CLIC5: variants seen among roughly 807,000 people sequenced by gnomAD.
CLIC5 encodes the protein CLIC family member 5, also known as chloride intracellular channel protein 5.
A neutral mutation model predicts 24.7 loss-of-function variants in CLIC5; 20 were observed. That is an observed-to-expected ratio of 0.81 (90% CI 0.57 to 1.18). CLIC5 has a LOEUF of 1.18. CLIC5 is among the 50% of genes most tolerant of loss of function. CLIC5 has a pLI of 0.00. For synonymous variants in CLIC5, 159 were observed against 135.6 expected (o/e 1.17, Z -1.20); for missense variants, 341 against 326.1 (o/e 1.05, Z -0.35).
chr6:46,043,755 C>T (rs1767879835), intron 1 of CLIC5, among the ~76,000 whole-genome samples: 1 of 150,566 alleles, frequency 6.6e-6, no homozygotes, highest in Non-Finnish European at 1.5e-5. Context: ...GAGGGCAGCT[C>T]ATGCACTGTG....
At chr6:45,951,158 G>A (rs1010738050) in intron 2 of CLIC5, among the ~76,000 whole-genome samples, 6 of 152,140 alleles carry the variant, frequency 3.9e-5, no homozygotes, top group African/African-American at 1.4e-4. Flanking sequence ...TAAGAAGACA[G>A]AAAGCTCTTT....
At chr6:45,943,042 A>G (rs1290201985) in intron 3 of CLIC5, among the ~76,000 whole-genome samples, 1 of 152,256 alleles carries the variant, frequency 6.6e-6, no homozygotes, top group Non-Finnish European at 1.5e-5. Context: ...TGCAGCAGGC[A>G]GGCACTGTTC....
chr6:45,991,350 G>A (rs1168206978), intron 1 of CLIC5, among the ~76,000 whole-genome samples: 1 of 152,192 alleles, frequency 6.6e-6, no homozygotes, highest in Non-Finnish European at 1.5e-5. Flanking sequence ...TGTACCATAG[G>A]CAGCCTCTAG....
At chr6:46,067,322 G>A (rs1672056320) in intron 1 of CLIC5, among the ~76,000 whole-genome samples, 1 of 151,882 alleles carries the variant, frequency 6.6e-6, no homozygotes, top group African/African-American at 2.4e-5. Context: ...AAAAATGGGA[G>A]TTCAAAAAAT....
intron 6 of CLIC5, among the ~76,000 whole-genome samples, chr6:45,885,549 C>T (rs1192280624): frequency 2.0e-5 from 3 of 152,116 alleles, no homozygotes; most frequent in Non-Finnish European, 2.9e-5. Context: ...CAGCCACCTC[C>T]CCTGAATAGT....
upstream of CLIC5, among the ~76,000 whole-genome samples, chr6:46,017,716 C>A (rs773591776): frequency 6.6e-6 from 1 of 152,174 alleles, no homozygotes; most frequent in Admixed American, 6.5e-5. Context: ...CAAGCTGTCA[C>A]GTAAAGATAC....
At chr6:45,978,133 T>G (rs1408898016) in intron 1 of CLIC5, among the ~76,000 whole-genome samples, 1 of 152,212 alleles carries the variant, frequency 6.6e-6, no homozygotes, top group Non-Finnish European at 1.5e-5. Flanking sequence ...CTTAAAAAGT[T>G]GTGGTGTGAA....
At chr6:45,884,645 G>C (rs1561910131) in intron 6 of CLIC5, among the ~76,000 whole-genome samples, 1 of 152,188 alleles carries the variant, frequency 6.6e-6, no homozygotes, top group Non-Finnish European at 1.5e-5. Flanking sequence ...AGTCATGGAA[G>C]CTGGGCTGTG....
chr6:45,893,764 A>T (rs903276887), downstream of CLIC5, among the ~76,000 whole-genome samples: 2 of 152,080 alleles, frequency 1.3e-5, no homozygotes, highest in African/African-American at 4.8e-5. Context: ...ACACATATAC[A>T]TCCCTTTCCA....
In CLIC5 at chr6:46,071,610, A is replaced by G. The variant is rs1762599246; in HGVS notation, c.540+8093T>C. The stretch of plus-strand genomic sequence containing the variant: ...AGGTGCTGGCAAAGTTGCAGAGATT[A>G]ATGACCACTTATACACTGTTGATTA... On this transcript the variant is annotated intron_variant, in intron 1 of 5. Coordinates refer to the CLIC5 transcript ENST00000185206. 1.3e-5 allele frequency among the ~76,000 whole-genome samples: 2 copies of G among 152,280 alleles called. 1 individual carries two copies. The highest frequency in any genetic ancestry group is 6.8e-3 in the Middle Eastern group (2 of 294).
At chr6:45,954,519 T>C (rs915271497) in intron 2 of CLIC5, among the ~76,000 whole-genome samples, 2 of 152,178 alleles carry the variant, frequency 1.3e-5, no homozygotes, top group African/African-American at 4.8e-5. Flanking sequence ...TGAACACTTA[T>C]GGGGTGAGCC....
intron 1 of CLIC5, among the ~76,000 whole-genome samples, chr6:46,027,397 G>A (rs549089798): frequency 1.4e-4 from 22 of 152,186 alleles, no homozygotes; most frequent in Non-Finnish European, 2.9e-4. Flanking sequence ...TATGCTGGAG[G>A]AGCTGAAGTA....
chr6:45,908,931 C>T (rs946363889), intron 5 of CLIC5, among the ~76,000 whole-genome samples: 1 of 151,868 alleles, frequency 6.6e-6, no homozygotes, highest in Non-Finnish European at 1.5e-5. Flanking sequence ...TCTAGAAGTA[C>T]TTGTTTTGTG....
the CLIC5 span, among the ~76,000 whole-genome samples, chr6:46,105,676 G>A: frequency 6.6e-6 from 1 of 152,124 alleles, no homozygotes; most frequent in Admixed American, 6.6e-5. Context: ...GGAGTTTCAG[G>A]AGTCACAGGC....
chr6:45,957,438 C>G (rs141473289), intron 1 of CLIC5, among the ~76,000 whole-genome samples: 1 of 152,070 alleles, frequency 6.6e-6, no homozygotes, highest in Non-Finnish European at 1.5e-5. Flanking sequence ...CCAGGACGAA[C>G]GCAGGTGGTC....
At chr6:46,045,004 CATAA>C (rs1767916370) in intron 1 of CLIC5, among the ~76,000 whole-genome samples, 1 of 152,060 alleles carries the variant, frequency 6.6e-6, no homozygotes, top group East Asian at 1.9e-4. Flanking sequence ...GCATGCTTGC[CATAA>C]ATAAATCATT....
the CLIC5 span, among the ~76,000 whole-genome samples, chr6:46,120,416 C>T: frequency 1.7e-4 from 26 of 152,144 alleles, no homozygotes; most frequent in African/African-American, 6.3e-4. Context: ...GACATCCACA[C>T]CAAAACCCCA....
the CLIC5 span, among the ~76,000 whole-genome samples, chr6:46,100,277 A>G: frequency 1.3e-5 from 2 of 152,338 alleles, no homozygotes; most frequent in Middle Eastern, 3.4e-3. Flanking sequence ...ACAAACAAAC[A>G]AACAAAAACA....
chr6:45,890,705 A>T (rs563933251), intron 6 of CLIC5, among the ~76,000 whole-genome samples: 102 of 152,372 alleles, frequency 6.7e-4, no homozygotes, highest in Admixed American at 1.2e-3. Flanking sequence ...GATGTAGTAT[A>T]TAATCACAAT....
Sources: gnomAD v4.1 joint callset for allele counts (sites outside exome capture counted in the v4.1 genomes callset) on GRCh38, gnomAD v4.1.1 for gene constraint, MANE v1.5 for transcripts, NCBI Gene and HGNC (gene_info 2026-07-23, HGNC 2026-07-21) for gene names.